WDR49: variants seen among roughly 807,000 people sequenced by gnomAD.
The protein encoded by WDR49 is WD repeat domain 49.
Under a neutral mutation model 119.5 loss-of-function variants are expected in WDR49, and 107 were observed. The ratio of observed to expected loss-of-function variants is 0.90; its 90% confidence interval spans 0.77 to 1.05. The LOEUF is 1.05. WDR49 is among the 50% of genes least tolerant of loss of function. The pLI is 0.00. For missense variants in WDR49, 1,240 were observed against 1,220.5 expected, an observed-to-expected ratio of 1.02 and a Z score of -0.24; for synonymous variants, 425 against 418.8, an observed-to-expected ratio of 1.01 and a Z score of -0.18.
intron 16 of WDR49, among the ~76,000 whole-genome samples, chr3:167,511,829 T>C (rs1367334449): frequency 6.6e-6 from 1 of 152,180 alleles, no homozygotes; most frequent in African/African-American, 2.4e-5. Context: ...TGCAGCACAG[T>C]GGCTGTGGCA....
chr3:167,569,093 C>G (rs1439598096), intron 8 of WDR49, among the ~76,000 whole-genome samples: 1 of 152,032 alleles, frequency 6.6e-6, no homozygotes, highest in African/African-American at 2.4e-5. Context: ...AGGCACCCAC[C>G]ACCACACCTG....
chr3:167,613,841 A>G (rs1317247615), intron 5 of WDR49, among the ~76,000 whole-genome samples: 1 of 151,396 alleles, frequency 6.6e-6, no homozygotes, highest in East Asian at 2.0e-4. Context: ...GGTACTCGGG[A>G]GGCTGAGGCA....
rs750600341 is a variant in WDR49 at position 167,479,041 on chromosome 3, G to A, written c.3032-45C>T. 6 of 1,403,764 alleles carry A rather than the reference G, an allele frequency of 4.3e-6. No individual in the cohort carries two copies. The African/African-American group carries it at 8.7e-5, about 20-fold the overall frequency. 87.0% of individuals were successfully genotyped at this position (1,403,764 alleles called of 1,614,324 possible). A position where few individuals can be genotyped will look rare whatever the true frequency, so the allele number is the denominator to read the frequency against. On this transcript the variant is annotated intron_variant, in intron 18 of 18. Coordinates refer to ENST00000682715, the MANE Select transcript of WDR49 (RefSeq NM_001366157.1). ...ATCACAAGTGAATTATATTTGTTAA[G>A]AGACCTATTTAAATGAAATAGTGGG...
At chr3:167,624,172 A>T (rs1045258137) in intron 3 of WDR49, among the ~76,000 whole-genome samples, 4 of 151,966 alleles carry the variant, frequency 2.6e-5, no homozygotes, top group African/African-American at 9.7e-5. Flanking sequence ...AATTAAAGCC[A>T]CAATAAGATA....
chr3:167,654,095 T>A (rs1559934494), upstream of WDR49: 1 of 152,152 alleles, frequency 6.6e-6, no homozygotes, highest in African/African-American at 2.4e-5. Context: ...TTGAAATGGT[T>A]TTTTTTGAAA....
At chr3:167,563,183 T>C (rs892460409) in intron 8 of WDR49, among the ~76,000 whole-genome samples, 11 of 151,438 alleles carry the variant, frequency 7.3e-5, no homozygotes, top group African/African-American at 2.4e-4. Flanking sequence ...TGAAACCCCG[T>C]CTCTACTAAA....
At chr3:167,596,895 A>AATAC (rs1715488617) in intron 7 of WDR49, among the ~76,000 whole-genome samples, 1 of 150,224 alleles carries the variant, frequency 6.7e-6, no homozygotes, top group Non-Finnish European at 1.5e-5. Context: ...TAAATAAATA[A>AATAC]ATAAATAAAG....
At chr3:167,557,749 T>G (rs1713021419) in intron 9 of WDR49, among the ~76,000 whole-genome samples, 1 of 83,050 alleles carries the variant, frequency 1.2e-5, no homozygotes, top group Non-Finnish European at 2.9e-5. Context: ...CGAGACTCCG[T>G]CTCAAAAAAA....
At chr3:167,574,269 C>T (rs757049444) in intron 8 of WDR49, among the ~76,000 whole-genome samples, 36 of 152,248 alleles carry the variant, frequency 2.4e-4, no homozygotes, top group African/African-American at 6.7e-4. Context: ...ATTCTTGGTA[C>T]GACACTTGTT....
At position 167,602,112 on chromosome 3, in the gene WDR49, C is replaced by A; in HGVS notation, c.1275+15G>T. On this transcript the variant is annotated intron_variant, in intron 7 of 18. Coordinates refer to ENST00000682715, the MANE Select transcript of WDR49 (RefSeq NM_001366157.1). ...GAAGCAAAACTAAATTAATTAAAAG[C>A]ACAATGTTACTTACTTTATCCTTGG... 15 of 1,563,764 alleles carry A rather than the reference C, an allele frequency of 9.6e-6. No homozygotes were observed. Among genetic ancestry groups the A allele is most frequent in the Non-Finnish European group, 1.3e-5 (15 of 1,144,104 alleles).
chr3:167,561,902 T>G (rs1284816388), intron 8 of WDR49, among the ~76,000 whole-genome samples: 1 of 152,066 alleles, frequency 6.6e-6, no homozygotes, highest in African/African-American at 2.4e-5. Context: ...TCCAGACAAC[T>G]AACAGTTCAC....
chr3:167,608,252 A>G (rs1716157980), intron 5 of WDR49, among the ~76,000 whole-genome samples: 1 of 152,242 alleles, frequency 6.6e-6, no homozygotes, highest in East Asian at 1.9e-4. Context: ...TGTAAACTAT[A>G]CAACATAATA....
intron 2 of WDR49, among the ~76,000 whole-genome samples, chr3:167,628,771 A>T (rs975324610): frequency 5.3e-5 from 8 of 152,192 alleles, no homozygotes; most frequent in Admixed American, 6.5e-5. Context: ...ATACGTTTTC[A>T]ATGTAAATGA....
At chr3:167,596,263 C>T (rs1715434859) in intron 7 of WDR49, among the ~76,000 whole-genome samples, 1 of 150,870 alleles carries the variant, frequency 6.6e-6, no homozygotes, top group African/African-American at 2.4e-5. Flanking sequence ...CGCTTTTACA[C>T]TGTTGGTGGG....
At chr3:167,581,026 T>G (rs188078235) in intron 7 of WDR49, among the ~76,000 whole-genome samples, 175 of 152,286 alleles carry the variant, frequency 1.1e-3, no homozygotes, top group Non-Finnish European at 1.7e-3. Context: ...TTGTGATATC[T>G]GTCTAAACTC....
At chr3:167,618,104 A>AC (rs112664797) in intron 5 of WDR49, among the ~76,000 whole-genome samples, 41,638 of 151,732 alleles carry the variant, frequency 0.27, 6,040 homozygotes, top group African/African-American at 0.37. Context: ...CTGCTTGTCT[A>AC]TTTTGCTCAT....
chr3:167,614,036 G>A (rs911157263), intron 5 of WDR49, among the ~76,000 whole-genome samples: 1 of 151,788 alleles, frequency 6.6e-6, no homozygotes, highest in Non-Finnish European at 1.5e-5. Context: ...CATTTTCAAC[G>A]CAATAAAATA....
At chr3:167,617,737 C>T (rs1237158944) in intron 5 of WDR49, among the ~76,000 whole-genome samples, 1 of 152,064 alleles carries the variant, frequency 6.6e-6, no homozygotes, top group Non-Finnish European at 1.5e-5. Flanking sequence ...ATAAGACGTC[C>T]TAAGATGGCT....
chr3:167,629,354 T>C (rs1386724684), intron 2 of WDR49, among the ~76,000 whole-genome samples: 3 of 152,102 alleles, frequency 2.0e-5, no homozygotes, highest in African/African-American at 7.2e-5. Context: ...TGTGGTTTAA[T>C]GAAGCCCACT....
Sources: allele counts gnomAD v4.1 joint callset (sites outside exome capture counted in the v4.1 genomes callset), GRCh38; gene constraint gnomAD v4.1.1; transcripts MANE v1.5; gene names NCBI Gene and HGNC (gene_info 2026-07-23, HGNC 2026-07-21).